The following CASK variants were observed in gnomAD, a reference collection of about 807,000 sequenced individuals.
The protein encoded by CASK is peripheral plasma membrane protein CASK.
CASK carries 4 observed loss-of-function variants against 82.9 expected under a neutral mutation model. That is an observed-to-expected ratio of 0.05 (90% CI 0.02 to 0.11). CASK has a LOEUF of 0.11. Ranked by LOEUF, CASK falls within the 10% of genes least tolerant of loss-of-function variation. The pLI is 1.00. For missense variants in CASK, 358 were observed against 720.9 expected, an observed-to-expected ratio of 0.50 and a Z score of 5.76; for synonymous variants, 259 against 253.5, an observed-to-expected ratio of 1.02 and a Z score of -0.20.
In CASK at chrX:41,752,834, C is replaced by T. The variant is rs1023278220; in HGVS notation, c.279-7233G>A. On this transcript the variant is annotated intron_variant, in intron 3 of 26. Transcript: ENST00000378163. ...GTAATCTACTATTGATAGAACAATA[C>T]ACCAATACAACTTTCTGAAGGGCAA... 4.5e-5 allele frequency among the ~76,000 whole-genome samples: 5 copies of T among 111,830 alleles called. No individual in the cohort carries two copies. In the East Asian group the frequency reaches 1.1e-3, roughly 25 times the overall value.
At chrX:41,802,727 G>A (rs1322593018) in intron 2 of CASK, among the ~76,000 whole-genome samples, 3 of 111,079 alleles carry the variant, frequency 2.7e-5, no homozygotes, top group African/African-American at 9.8e-5. Flanking sequence ...TAACTGTAAG[G>A]GCAGGTAAGA....
chrX:41,839,156 T>C (rs780375062), intron 2 of CASK, among the ~76,000 whole-genome samples: 80 of 111,955 alleles, frequency 7.1e-4, no homozygotes, highest in Non-Finnish European at 1.3e-3. Context: ...CAGAAATATT[T>C]TAGGATAAGC....
chrX:41,743,218 T>C (rs986000141), intron 4 of CASK, among the ~76,000 whole-genome samples: 1 of 111,744 alleles, frequency 8.9e-6, no homozygotes, highest in Non-Finnish European at 1.9e-5. Flanking sequence ...CCTGTCAGCA[T>C]ACCTGCCAGG....
intron 1 of CASK, among the ~76,000 whole-genome samples, chrX:41,859,474 G>A (rs1240632152): frequency 2.7e-5 from 3 of 112,023 alleles, no homozygotes; most frequent in African/African-American, 9.7e-5. Flanking sequence ...CATGATGCCA[G>A]CTGAGGGCAA....
chrX:41,800,583 T>C (rs771091399), intron 2 of CASK, among the ~76,000 whole-genome samples: 2 of 109,529 alleles, frequency 1.8e-5, no homozygotes, highest in Non-Finnish European at 1.9e-5. Context: ...ACATGTGCCA[T>C]GCTGGTGTGC....
At chrX:41,664,027 G>T (rs1175700828) in intron 7 of CASK, among the ~76,000 whole-genome samples, 1 of 111,716 alleles carries the variant, frequency 9.0e-6, no homozygotes, top group Non-Finnish European at 1.9e-5. Context: ...TTAGTTACCT[G>T]GTAAGTATTG....
intron 11 of CASK, among the ~76,000 whole-genome samples, chrX:41,613,362 T>G (rs1207600322): frequency 9.9e-6 from 1 of 100,840 alleles, no homozygotes; most frequent in Non-Finnish European, 2.0e-5. Flanking sequence ...AAACATGTGC[T>G]GTGTCCACTC....
intron 2 of CASK, among the ~76,000 whole-genome samples, chrX:41,818,079 T>C (rs2070448011): frequency 9.2e-6 from 1 of 108,713 alleles, no homozygotes; most frequent in African/African-American, 3.4e-5. Context: ...TCATTTAACA[T>C]AGTGCCATGC....
chrX:41,727,923 G>A lies in CASK; in HGVS notation c.429+11461C>T, dbSNP rs193253334. The A allele has an allele frequency of 1.4e-5, 17 of 1,191,138 alleles. 1 individual carries two copies. In the Middle Eastern group the frequency reaches 7.0e-4, roughly 49 times the overall value. The stretch of plus-strand genomic sequence containing the variant: ...AAAACATTCTCACCTGTCTTGCTTC[G>A]GCCAGAAGTAGCACAGACCCCATTA... On this transcript the variant is annotated intron_variant, in intron 5 of 26. Transcript: ENST00000378163.
chrX:41,857,327 C>T (rs183697298), intron 1 of CASK, among the ~76,000 whole-genome samples: 47 of 110,808 alleles, frequency 4.2e-4, no homozygotes, highest in African/African-American at 1.4e-3. Context: ...CAGATATTGC[C>T]AAATATCCTC....
intron 3 of CASK, among the ~76,000 whole-genome samples, chrX:41,766,195 G>T (rs1268682298): frequency 1.8e-5 from 2 of 111,765 alleles, no homozygotes; most frequent in African/African-American, 6.5e-5. Flanking sequence ...AAAACCCAGG[G>T]TTTTGATTGT....
rs150857458 is a variant in CASK, at chrX:41,901,152, T to C, written c.59+21778A>G. Among the ~76,000 whole-genome samples, 610 of 112,228 alleles carry C rather than the reference T, an allele frequency of 5.4e-3. 4 individuals carry two copies. Among genetic ancestry groups the C allele is most frequent in the Non-Finnish European group, 8.6e-3 (458 of 53,229 alleles). The stretch of plus-strand genomic sequence containing the variant: ...GTCATGTTTCCCTGATTATCGGTGA[T>C]CCTTGCAGTTTTGCATTAGTGTCTG... On this transcript the variant is annotated intron_variant, in intron 1 of 26. Coordinates refer to ENST00000378163, the MANE Select transcript of CASK (RefSeq NM_001367721.1).
At chrX:41,778,842 A>G (rs1217628130) in intron 3 of CASK, among the ~76,000 whole-genome samples, 1 of 109,772 alleles carries the variant, frequency 9.1e-6, no homozygotes, top group Non-Finnish European at 1.9e-5. Context: ...AGATATAAAA[A>G]TGATACTGTA....
chrX:41,790,254 A>G (rs1220683572), intron 2 of CASK: 5 of 898,555 alleles, frequency 5.6e-6, no homozygotes, highest in Non-Finnish European at 7.1e-6. Flanking sequence ...GCACCTGGAG[A>G]TGGGGTTTTA....
chrX:41,650,902 T>C (rs1279473259), intron 8 of CASK, among the ~76,000 whole-genome samples: 1 of 112,016 alleles, frequency 8.9e-6, no homozygotes, highest in Non-Finnish European at 1.9e-5. Context: ...TCTTACCAGC[T>C]GGATAACATT....
chrX:41,689,246 C>G (rs1364335428), intron 5 of CASK, among the ~76,000 whole-genome samples: 1 of 111,720 alleles, frequency 9.0e-6, no homozygotes, highest in Non-Finnish European at 1.9e-5. Context: ...TGAATGACAC[C>G]TCTGCCTTGA....
At chrX:41,885,890 T>G (rs1268569137) in intron 1 of CASK, among the ~76,000 whole-genome samples, 1 of 112,339 alleles carries the variant, frequency 8.9e-6, no homozygotes, top group Non-Finnish European at 1.9e-5. Flanking sequence ...ACTGGGTTAA[T>G]ATTTTACAAA....
At chrX:41,546,136 G>T (rs2065020386) in intron 21 of CASK, among the ~76,000 whole-genome samples, 1 of 111,508 alleles carries the variant, frequency 9.0e-6, no homozygotes, top group South Asian at 3.8e-4. Context: ...ACCACGCCCA[G>T]CTAATTTTTT....
At chrX:41,555,901 A>G in intron 19 of CASK, 1 of 266,667 alleles carries the variant, frequency 3.8e-6, no homozygotes. Flanking sequence ...TCAACACAAA[A>G]GCCACTGCAA....
Sources: allele counts gnomAD v4.1 joint callset (sites outside exome capture counted in the v4.1 genomes callset), GRCh38; gene constraint gnomAD v4.1.1; transcripts MANE v1.5; gene names NCBI Gene and HGNC (gene_info 2026-07-23, HGNC 2026-07-21).